CDKAL1: variants seen among roughly 807,000 people sequenced by gnomAD.
CDKAL1 encodes the protein CDKAL1 threonylcarbamoyladenosine tRNA methylthiotransferase, also known as threonylcarbamoyladenosine tRNA methylthiotransferase.
CDKAL1 carries 32 observed loss-of-function variants against 68.2 expected under a neutral mutation model. That is an observed-to-expected ratio of 0.47 (90% confidence interval 0.35 to 0.63). CDKAL1 has a LOEUF of 0.63. CDKAL1 is among the 30% of genes least tolerant of loss of function. The pLI is 0.00. For synonymous variants in CDKAL1, 234 were observed against 244.3 expected, an observed-to-expected ratio of 0.96 and a Z score of 0.39; for missense variants, 606 against 696.7, an observed-to-expected ratio of 0.87 and a Z score of 1.47.
chr6:20,755,983 G>C (rs1774152317), intron 6 of CDKAL1: 1 of 152,148 alleles, frequency 6.6e-6, no homozygotes, highest in African/African-American at 2.4e-5. Context: ...GTGGGAATTT[G>C]CTTAGATTCT....
At chr6:20,739,714 T>C (rs1388266210) in intron 6 of CDKAL1, 99 bp downstream of exon 6, 5 of 632,878 alleles carry the variant, frequency 7.9e-6, no homozygotes, top group Non-Finnish European at 1.4e-5. Context: ...TTGTAAGCTA[T>C]GTTACACTTA....
intron 13 of CDKAL1, among the ~76,000 whole-genome samples, chr6:21,148,423 A>G (rs1043092196): frequency 4.6e-5 from 7 of 152,218 alleles, no homozygotes; most frequent in African/African-American, 1.7e-4. Flanking sequence ...CAGCTAGTCA[A>G]AAAATCTAAA....
chr6:20,755,053 A>AT (rs1213131952), intron 6 of CDKAL1, among the ~76,000 whole-genome samples: 3 of 152,116 alleles, frequency 2.0e-5, no homozygotes, highest in African/African-American at 7.2e-5. Context: ...GAGCTTTTAT[A>AT]TTTTTAACTG....
At chr6:20,989,040 T>C (rs73379534) in intron 10 of CDKAL1, among the ~76,000 whole-genome samples, 29,583 of 151,850 alleles carry the variant, frequency 0.19, 3,062 homozygotes, top group Admixed American at 0.27. Flanking sequence ...CCAAGTCATA[T>C]GGCTACTCCT....
chr6:21,022,494 A>G (rs1768723147), intron 11 of CDKAL1, among the ~76,000 whole-genome samples: 1 of 152,158 alleles, frequency 6.6e-6, no homozygotes, highest in Non-Finnish European at 1.5e-5. Flanking sequence ...CTGCACCCAA[A>G]CTGTTGATTT....
chr6:20,556,760 A>AG, intron 4 of CDKAL1, among the ~76,000 whole-genome samples: 1 of 152,104 alleles, frequency 6.6e-6, no homozygotes, highest in East Asian at 1.9e-4. Flanking sequence ...GACATAGGCC[A>AG]GGTGTGGTGA....
chr6:20,975,196 C>A (rs1206131107), intron 10 of CDKAL1, among the ~76,000 whole-genome samples: 1 of 152,096 alleles, frequency 6.6e-6, no homozygotes, highest in Non-Finnish European at 1.5e-5. Flanking sequence ...AACTACGAAC[C>A]CACTGACTGA....
At chr6:20,538,632 G>T (rs538274518) in intron 2 of CDKAL1, among the ~76,000 whole-genome samples, 196 of 152,204 alleles carry the variant, frequency 1.3e-3, no homozygotes, top group African/African-American at 4.3e-3. Context: ...TAAAAAATAT[G>T]GCTTTTAATT....
Position 21,065,064 on chromosome 6 carries a change from A to G in CDKAL1, c.1072A>G (p.Ile358Val), listed in dbSNP as rs1206681417. The G allele has an allele frequency of 4.5e-6, 7 of 1,564,026 alleles. No homozygotes were observed. Among genetic ancestry groups the G allele is most frequent in the African/African-American group, 4.1e-5 (3 of 72,624 alleles). The change falls in exon 12 of 16, where the codon ATT becomes GTT. Residue 358 changes from isoleucine (I) to valine (V), a missense_variant. Ile to Val is a conservative substitution (Grantham distance 29, BLOSUM62 3). Transcript: ENST00000274695. Reference protein sequence around the residue: ...FLKEKVPGITIATDIICGFPG... With the variant: ...FLKEKVPGITVATDIICGFPG... ...ATTTTCTAGAGTTCCTGGAATAACT[A>G]TTGCTACAGATATTATCTGTGGTTT...
At chr6:20,810,742 G>T (rs950798614) in intron 8 of CDKAL1, among the ~76,000 whole-genome samples, 3 of 150,084 alleles carry the variant, frequency 2.0e-5, no homozygotes, top group Admixed American at 1.3e-4. Context: ...CAATAACATT[G>T]TCACATCTAA....
intron 10 of CDKAL1, among the ~76,000 whole-genome samples, chr6:20,976,872 T>C (rs918340413): frequency 2.0e-5 from 3 of 152,250 alleles, no homozygotes; most frequent in Admixed American, 1.3e-4. Context: ...AGTGTTGTTT[T>C]ATAAATATAT....
At chr6:20,760,103 A>G (rs1295385074) in intron 7 of CDKAL1, among the ~76,000 whole-genome samples, 3 of 151,898 alleles carry the variant, frequency 2.0e-5, no homozygotes, top group Non-Finnish European at 2.9e-5. Flanking sequence ...TGAGAATGAG[A>G]CTATACCTTA....
Position 21,010,982 on chromosome 6 carries a change from T to C in CDKAL1, c.1055+10610T>C, listed in dbSNP as rs1767979649. On this transcript the variant is annotated intron_variant, in intron 11 of 15. Transcript: ENST00000274695. ...CTGTAGTTCCAGCTACTTGGGAGGC[T>C]GAGGCAGGAGAATGGTGTGAACCCG... Among the ~76,000 whole-genome samples, 4 of 148,792 alleles carry C rather than the reference T, an allele frequency of 2.7e-5. No homozygotes were observed. The South Asian group carries it at 8.6e-4, about 32-fold the overall frequency.
chr6:20,996,054 A>G (rs1011705421), intron 10 of CDKAL1, among the ~76,000 whole-genome samples: 1 of 152,230 alleles, frequency 6.6e-6, no homozygotes, highest in Non-Finnish European at 1.5e-5. Flanking sequence ...CTTAAACCTC[A>G]TGAACCAACC....
chr6:20,597,330 G>A (rs895647460), intron 4 of CDKAL1, among the ~76,000 whole-genome samples: 16 of 151,834 alleles, frequency 1.1e-4, no homozygotes, highest in Non-Finnish European at 1.8e-4. Flanking sequence ...GGGTTTCACC[G>A]TGTTAGCCAT....
At chr6:20,752,712 C>G (rs1472945611) in intron 6 of CDKAL1, among the ~76,000 whole-genome samples, 1 of 152,122 alleles carries the variant, frequency 6.6e-6, no homozygotes, top group East Asian at 1.9e-4. Context: ...CCCTTTACTT[C>G]TAAATACCCA....
At chr6:21,209,500 C>T (rs182867702) in intron 15 of CDKAL1, among the ~76,000 whole-genome samples, 35 of 152,232 alleles carry the variant, frequency 2.3e-4, no homozygotes, top group Admixed American at 1.7e-3. Flanking sequence ...GCTTGGTCTT[C>T]GAGAAGTTTT....
chr6:21,199,927 A>T (rs750768483), intron 14 of CDKAL1, among the ~76,000 whole-genome samples: 1 of 152,190 alleles, frequency 6.6e-6, no homozygotes, highest in Non-Finnish European at 1.5e-5. Flanking sequence ...ACCAAGATTC[A>T]ATTTTGCCTT....
chr6:20,785,704 T>C (rs1305510890), intron 8 of CDKAL1, among the ~76,000 whole-genome samples: 1 of 152,208 alleles, frequency 6.6e-6, no homozygotes, highest in African/African-American at 2.4e-5. Context: ...TATTTTTCAG[T>C]AGAAAATGAG....
Sources: allele counts gnomAD v4.1 joint callset (sites outside exome capture counted in the v4.1 genomes callset), GRCh38; gene constraint gnomAD v4.1.1; transcripts MANE v1.5; gene names NCBI Gene and HGNC (gene_info 2026-07-23, HGNC 2026-07-21).